Variants in HIVEP3 observed in about 807,000 individuals in gnomAD.
HIVEP3 encodes transcription factor HIVEP3.
In HIVEP3, 49 loss-of-function variants were observed where a neutral mutation model predicts 152.8. The ratio of observed to expected loss-of-function variants is 0.32; its 90% confidence interval spans 0.26 to 0.41. HIVEP3 has a LOEUF of 0.41. HIVEP3 is among the 10% of genes least tolerant of loss of function. The probability of loss-of-function intolerance (pLI) is 1.00; values close to 1 mark genes in which losing one functional copy is unlikely to be tolerated. For synonymous variants in HIVEP3, 1,269 were observed against 1,289.0 expected (o/e 0.98, Z 0.33); for missense variants, 2,790 against 3,103.3 (o/e 0.90, Z 2.40).
At chr1:42,022,095 A>T (rs1418389053) in intron 1 of HIVEP3, among the ~76,000 whole-genome samples, 1 of 152,222 alleles carries the variant, frequency 6.6e-6, no homozygotes, top group African/African-American at 2.4e-5. Context: ...CAAAATCCAC[A>T]GATGTCTGGC....
At chr1:41,672,743 G>A (rs1039657803) in intron 2 of HIVEP3, among the ~76,000 whole-genome samples, 4 of 152,210 alleles carry the variant, frequency 2.6e-5, no homozygotes, top group African/African-American at 9.7e-5. Context: ...GCCCAGGCCA[G>A]AGGCAGTCAA....
chr1:41,940,674 G>A (rs1013641941), intron 1 of HIVEP3, among the ~76,000 whole-genome samples: 1 of 152,062 alleles, frequency 6.6e-6, no homozygotes, highest in Non-Finnish European at 1.5e-5. Context: ...TTGTGTATAC[G>A]GCAACAGGGA....
In HIVEP3 at chr1:41,639,456, G is replaced by A. The variant is rs760677650; in HGVS notation, c.-720-10509C>T. The stretch of plus-strand genomic sequence containing the variant: ...AAGTGAAGACTCTCACCCCCTCCCT[G>A]GGTTTGCCACGTGGATCAGATGCGA... On this transcript the variant is annotated intron_variant, in intron 2 of 8. Transcript: ENST00000372583. Among the ~76,000 whole-genome samples, 14 of 152,202 alleles carry A rather than the reference G, an allele frequency of 9.2e-5. 1 individual carries two copies. Among genetic ancestry groups the A allele is most frequent in the African/African-American group, 3.4e-4 (14 of 41,450 alleles).
rs1570713255 is a variant in HIVEP3, at chr1:41,873,171, T to G, written c.-801+45242A>C. On this transcript the variant is annotated intron_variant, in intron 1 of 8. Transcript: ENST00000372583. The surrounding 1 kb of genome is among the most constrained non-coding windows in gnomAD (Gnocchi z 4.2). ...CTCTAGCCAGATGCCTCCCCTGGTG[T>G]TTACTTCACCCACAGGAAAATGGCC... Among the ~76,000 whole-genome samples, 1 of 152,296 alleles carries G rather than the reference T, an allele frequency of 6.6e-6. No individual in the cohort carries two copies. The highest frequency in any genetic ancestry group is 1.9e-4 in the East Asian group (1 of 5,186).
chr1:41,672,760 T>C (rs1309424188), intron 2 of HIVEP3, among the ~76,000 whole-genome samples: 1 of 152,090 alleles, frequency 6.6e-6, no homozygotes, highest in Non-Finnish European at 1.5e-5. Context: ...TCAAGACATC[T>C]GGCCAGTTCA....
At chr1:41,981,766 G>A (rs1645295389) in intron 1 of HIVEP3, among the ~76,000 whole-genome samples, 1 of 152,158 alleles carries the variant, frequency 6.6e-6, no homozygotes, top group East Asian at 1.9e-4. Context: ...GGGACTTTCT[G>A]TCTTCTACAT....
rs984088777 is a variant in HIVEP3, at chr1:41,812,545, C to T, written c.-801+105868G>A. Among the ~76,000 whole-genome samples, 10 of 152,332 alleles carry T rather than the reference C, an allele frequency of 6.6e-5. No homozygotes were observed. In the South Asian group the frequency reaches 2.1e-3, roughly 32 times the overall value. On this transcript the variant is annotated intron_variant, in intron 1 of 8. Coordinates refer to ENST00000372583, the MANE Select transcript of HIVEP3 (RefSeq NM_024503.5). ...GAAATGCCTGAATTCTAGACAATCT[C>T]AGCAGCTTTCTTGCATTCCTCTGGA... is the stretch of plus-strand genomic sequence containing the variant.
At chr1:41,914,723 A>T (rs1034579313) in intron 1 of HIVEP3, among the ~76,000 whole-genome samples, 3 of 152,172 alleles carry the variant, frequency 2.0e-5, no homozygotes, top group Non-Finnish European at 4.4e-5. Context: ...TGGCCATGAC[A>T]GCTTGAACAA....
chr1:41,705,235 T>C (rs1032246348), intron 1 of HIVEP3, among the ~76,000 whole-genome samples: 2 of 152,210 alleles, frequency 1.3e-5, no homozygotes, highest in Non-Finnish European at 2.9e-5. Context: ...CTTCTTTCCC[T>C]TCCCACCATG....
Position 41,947,364 on chromosome 1 carries a change from T to C in HIVEP3, n.120-28840A>G, listed in dbSNP as rs114101899. On this transcript the variant is annotated intron_variant and non_coding_transcript_variant, in intron 1 of 3. Transcript: ENST00000489103. ...GCTCTGCTCACAACAGGTTAAATAC[T>C]TCGGGCTAAAATTATCCAAAGACAC... is the stretch of plus-strand genomic sequence containing the variant. Among the ~76,000 whole-genome samples, 930 of 152,356 alleles carry C rather than the reference T, an allele frequency of 6.1e-3. 9 individuals are homozygous for C. Among genetic ancestry groups the C allele is most frequent in the African/African-American group, 0.021 (880 of 41,590 alleles).
At chr1:41,749,644 C>T (rs77109927) in intron 1 of HIVEP3, among the ~76,000 whole-genome samples, 12 of 152,230 alleles carry the variant, frequency 7.9e-5, no homozygotes, top group Non-Finnish European at 1.6e-4. Flanking sequence ...CCTCACCCCA[C>T]GGAACAGAGC....
chr1:41,657,721 T>TC (rs1645650541), intron 2 of HIVEP3, among the ~76,000 whole-genome samples: 1 of 152,142 alleles, frequency 6.6e-6, no homozygotes, highest in Non-Finnish European at 1.5e-5. Context: ...AAGCTGAGGT[T>TC]TAGGAGAGGC....
intron 5 of HIVEP3, among the ~76,000 whole-genome samples, chr1:41,563,070 G>A (rs1181141933): frequency 6.6e-6 from 1 of 151,502 alleles, no homozygotes; most frequent in Non-Finnish European, 1.5e-5. Context: ...AGTGGGGGTC[G>A]GGCGCATGGC....
intron 1 of HIVEP3, among the ~76,000 whole-genome samples, chr1:41,874,021 T>A (rs888241132): frequency 1.3e-5 from 2 of 152,234 alleles, no homozygotes; most frequent in Non-Finnish European, 2.9e-5. Flanking sequence ...GTATCCCCAG[T>A]GTCTGCTGGG....
intron 1 of HIVEP3, among the ~76,000 whole-genome samples, chr1:41,743,643 G>A (rs537185397): frequency 5.9e-5 from 9 of 152,234 alleles, no homozygotes; most frequent in Non-Finnish European, 1.0e-4. Flanking sequence ...TCAGGGACTC[G>A]TCATTTGTCC....
At chr1:41,800,503 T>C (rs781314188) in intron 1 of HIVEP3, among the ~76,000 whole-genome samples, 6 of 152,214 alleles carry the variant, frequency 3.9e-5, no homozygotes, top group Non-Finnish European at 8.8e-5. Context: ...ACCTCCCAGC[T>C]CAGCCCCACC....
Position 41,581,995 on chromosome 1 carries a change from C to T in HIVEP3, c.2803G>A (p.Glu935Lys), listed in dbSNP as rs1342460587. 1 of 1,614,158 alleles carries T rather than the reference C, an allele frequency of 6.2e-7. No homozygotes were observed. The highest frequency in any genetic ancestry group is 1.7e-5 in the Admixed American group (1 of 60,022). The part of the protein sequence containing the change: ...SVPLSRSPSQ[E>K]SNVSLSGSSR... ...GACCCACTCAAAGAGACATTGCTTTCCTGGCTCGGGCTGCGAGACAGAGGC... is the reference window on the plus strand; with the variant it reads ...GACCCACTCAAAGAGACATTGCTTTTCTGGCTCGGGCTGCGAGACAGAGGC... Residue 935 changes from glutamate to lysine, a missense_variant, in exon 4 of 9, where the codon GAA becomes AAA. Physicochemically the swap from Glu to Lys is moderately conservative, Grantham distance 56. Transcript: ENST00000372583. This position sits in a 1 kb window ranked among gnomAD's most constrained non-coding sequence, Gnocchi z 4.5.
chr1:41,616,840 C>T (rs1644976617), intron 3 of HIVEP3, among the ~76,000 whole-genome samples: 1 of 152,158 alleles, frequency 6.6e-6, no homozygotes, highest in African/African-American at 2.4e-5. Context: ...AGGCTACAGG[C>T]CAATAGGTTG....
At chr1:41,974,909 C>T (rs1273325049) in intron 1 of HIVEP3, among the ~76,000 whole-genome samples, 1 of 152,166 alleles carries the variant, frequency 6.6e-6, no homozygotes, top group African/African-American at 2.4e-5. Flanking sequence ...TCCACGCAAC[C>T]TGCCCTTCAG....
Sources: allele counts gnomAD v4.1 joint callset (sites outside exome capture counted in the v4.1 genomes callset), GRCh38; gene constraint gnomAD v4.1.1; non-coding constraint Gnocchi (gnomAD v3.1); transcripts MANE v1.5; gene names NCBI Gene and HGNC (gene_info 2026-07-23, HGNC 2026-07-21).